Variants in ST14 observed in about 807,000 individuals in gnomAD.
The protein encoded by ST14 is ST14 transmembrane serine protease matriptase.
ST14 carries 40 observed loss-of-function variants against 96.5 expected under a neutral mutation model. That is an observed-to-expected ratio of 0.41 (90% CI 0.32 to 0.54). The LOEUF is 0.54. Ranked by LOEUF, ST14 falls within the 20% of genes least tolerant of loss-of-function variation. The probability of loss-of-function intolerance (pLI) is 0.17; values close to 1 mark genes in which losing one functional copy is unlikely to be tolerated. For missense variants in ST14, 1,066 were observed against 1,188.9 expected (o/e 0.90, Z 1.52); for synonymous variants, 506 against 492.1 (o/e 1.03, Z -0.37).
chr11:130,174,350 A>G (rs1396125638), intron 1 of ST14, among the ~76,000 whole-genome samples: 1 of 152,190 alleles, frequency 6.6e-6, no homozygotes, highest in Non-Finnish European at 1.5e-5. Context: ...GCTAGGCTTC[A>G]TTTTCAGATG....
At chr11:130,179,818 C>T (rs1953173999) in intron 1 of ST14, among the ~76,000 whole-genome samples, 1 of 152,204 alleles carries the variant, frequency 6.6e-6, no homozygotes, top group African/African-American at 2.4e-5. Context: ...TTGAGCCGTG[C>T]TGGGTTTCCG....
At chr11:130,191,689 CAAAAA>C (rs4054265) in intron 7 of ST14, among the ~76,000 whole-genome samples, 14 of 109,034 alleles carry the variant, frequency 1.3e-4, no homozygotes, top group Admixed American at 2.8e-4. Flanking sequence ...GACTCTGTCT[CAAAAA>C]AAAAAAAAAA....
chr11:130,189,625 C>A, intron 4 of ST14, 114 bp from the exon 5 acceptor site: 1 of 1,388,956 alleles, frequency 7.2e-7, no homozygotes, highest in Non-Finnish European at 1.0e-6. Flanking sequence ...AGGGCCTCTG[C>A]AGATGGCAGG....
intron 17 of ST14, among the ~76,000 whole-genome samples, chr11:130,209,153 G>A (rs1221261399): frequency 1.3e-5 from 2 of 152,096 alleles, no homozygotes; most frequent in Non-Finnish European, 2.9e-5. Context: ...AGAACCCCGC[G>A]GGCATTTGCG....
chr11:130,162,287 G>A (rs546713555), intron 1 of ST14, among the ~76,000 whole-genome samples: 12 of 152,306 alleles, frequency 7.9e-5, no homozygotes, highest in African/African-American at 2.6e-4. Flanking sequence ...ACTGCATCTG[G>A]GGATGGTGTG....
Position 130,170,280 on chromosome 11 carries a change from T to C in ST14, c.81+10220T>C, listed in dbSNP as rs147754864. ...TTTCCCCTTCTTGGTTGAGGGCACTTGGCAACTGGCAGATTATTCCAGCCT... is the reference window on the plus strand; with the variant it reads ...TTTCCCCTTCTTGGTTGAGGGCACTCGGCAACTGGCAGATTATTCCAGCCT... On this transcript the variant is annotated intron_variant, in intron 1 of 18. Coordinates refer to ENST00000278742, the MANE Select transcript of ST14 (RefSeq NM_021978.4). 1.2e-3 allele frequency among the ~76,000 whole-genome samples: 177 copies of C among 152,174 alleles called. 3 individuals carry two copies. The South Asian group carries it at 0.014, about 12-fold the overall frequency.
At chr11:130,202,491 G>T (rs1278162956) in intron 16 of ST14, among the ~76,000 whole-genome samples, 2 of 152,178 alleles carry the variant, frequency 1.3e-5, no homozygotes, top group East Asian at 3.9e-4. Flanking sequence ...AGGGACTCGG[G>T]GGGTGACTGT....
intron 1 of ST14, among the ~76,000 whole-genome samples, chr11:130,172,448 C>G (rs1953101159): frequency 7.6e-6 from 1 of 132,172 alleles, no homozygotes; most frequent in Non-Finnish European, 1.6e-5. Flanking sequence ...GACAGAGTCT[C>G]AGTCTGCCAC....
intron 16 of ST14, among the ~76,000 whole-genome samples, chr11:130,204,046 A>G (rs1591896251): frequency 1.3e-5 from 2 of 152,034 alleles, no homozygotes; most frequent in Admixed American, 1.3e-4. Context: ...TTCATAACTC[A>G]CTTCGTTTCC....
intron 10 of ST14, 52 bp downstream of exon 10, chr11:130,196,500 G>A (rs1258707491): frequency 3.2e-6 from 5 of 1,578,278 alleles, no homozygotes; most frequent in Middle Eastern, 1.7e-4. Context: ...AGGGGGAGGG[G>A]TCCCACCAGA....
At chr11:130,163,401 A>G (rs937313936) in intron 1 of ST14, among the ~76,000 whole-genome samples, 2 of 152,134 alleles carry the variant, frequency 1.3e-5, no homozygotes, top group Non-Finnish European at 2.9e-5. Flanking sequence ...CCACCATAGA[A>G]AATTAAACTT....
chr11:130,194,088 G>C, intron 7 of ST14, 61 bp from the exon 8 acceptor site: 1 of 1,612,488 alleles, frequency 6.2e-7, no homozygotes, highest in Non-Finnish European at 8.5e-7. Flanking sequence ...AGCCTGGTTT[G>C]GGTGTGTGAG....
chr11:130,193,519 G>A (rs1953326140), intron 7 of ST14, among the ~76,000 whole-genome samples: 1 of 151,682 alleles, frequency 6.6e-6, no homozygotes, highest in Non-Finnish European at 1.5e-5. Flanking sequence ...GCCCAGGCTG[G>A]AGTGCGGTGG....
intron 16 of ST14, among the ~76,000 whole-genome samples, chr11:130,206,590 T>TG (rs1219377730): frequency 1.3e-5 from 2 of 149,190 alleles, no homozygotes; most frequent in Non-Finnish European, 3.0e-5. Context: ...TTTTTTGAGG[T>TG]GGGGTCTCAC....
intron 1 of ST14, among the ~76,000 whole-genome samples, chr11:130,172,838 GAC>G (rs1421204616): frequency 6.6e-6 from 1 of 152,138 alleles, no homozygotes; most frequent in Non-Finnish European, 1.5e-5. Context: ...TGTCCCTGTT[GAC>G]AAAGTGAAAC....
At chr11:130,165,592 T>C (rs1953034832) in intron 1 of ST14, among the ~76,000 whole-genome samples, 1 of 152,242 alleles carries the variant, frequency 6.6e-6, no homozygotes, top group African/African-American at 2.4e-5. Context: ...GGCTAACTGA[T>C]CAAAATCTTG....
chr11:130,190,441 G>A lies in ST14; in HGVS notation c.635-13G>A, dbSNP rs1431855652. 6.2e-7 allele frequency: 1 copy of A among 1,605,524 alleles called. No homozygotes were observed. Among genetic ancestry groups the A allele is most frequent in the Admixed American group, 1.7e-5 (1 of 60,018 alleles). Reference sequence around the variant, plus strand: ...TGCCCCCACACGTGCCCTCCTTCTTGTCTCCTGCGCAGACAGCTGCAGCTT... The same window carrying A: ...TGCCCCCACACGTGCCCTCCTTCTTATCTCCTGCGCAGACAGCTGCAGCTT... On this transcript the variant is annotated splice_polypyrimidine_tract_variant and intron_variant, in intron 6 of 18. Transcript: ENST00000278742.
At chr11:130,191,554 G>A (rs2136213622) in intron 7 of ST14, among the ~76,000 whole-genome samples, 1 of 152,096 alleles carries the variant, frequency 6.6e-6, no homozygotes. Flanking sequence ...GCTGGGTGTG[G>A]TGGCGGGCGC....
chr11:130,193,613 G>A (rs1485444771), intron 7 of ST14, among the ~76,000 whole-genome samples: 1 of 152,080 alleles, frequency 6.6e-6, no homozygotes, highest in East Asian at 1.9e-4. Flanking sequence ...GGGATTACAG[G>A]CGTGCACCGT....
Sources: gnomAD v4.1 joint callset for allele counts (sites outside exome capture counted in the v4.1 genomes callset) on GRCh38, gnomAD v4.1.1 for gene constraint, MANE v1.5 for transcripts, NCBI Gene and HGNC (gene_info 2026-07-23, HGNC 2026-07-21) for gene names.